Variants in WWTR1 observed in about 807,000 individuals in gnomAD.
WWTR1 encodes WW domain-containing transcription regulator protein 1.
Under a neutral mutation model 40.1 loss-of-function variants are expected in WWTR1, and 13 were observed. The ratio of observed to expected loss-of-function variants is 0.32; its 90% CI spans 0.21 to 0.52. The LOEUF is 0.52. Among genes scored for constraint, WWTR1 ranks in the 20% least tolerant of loss-of-function variants. The probability of loss-of-function intolerance (pLI) is 0.97; values close to 1 mark genes in which losing one functional copy is unlikely to be tolerated. For missense variants in WWTR1, 436 were observed against 523.1 expected (o/e 0.83, Z 1.63); for synonymous variants, 230 against 210.1 (o/e 1.09, Z -0.82).
In WWTR1 at chr3:149,520,083, A is replaced by G. The variant is rs1734970185; in HGVS notation, c.*722T>C. The G allele has an allele frequency of 6.6e-6, 1 of 152,218 alleles. No homozygotes were observed. The highest frequency in any genetic ancestry group is 2.1e-4 in the South Asian group (1 of 4,832). 9.4% of individuals were successfully genotyped at this position (152,218 alleles called of 1,614,324 possible). A position where few individuals can be genotyped will look rare whatever the true frequency, so the allele number is the denominator to read the frequency against. On this transcript the variant is annotated 3_prime_UTR_variant, in exon 7 of 7. Coordinates refer to ENST00000360632, the MANE Select transcript of WWTR1 (RefSeq NM_015472.6). ...TTAGTACCAAACTGGTCTCTTTCACAAGATCTGTAGTGTAAGACCTGTGAC... is the reference window on the plus strand; with the variant it reads ...TTAGTACCAAACTGGTCTCTTTCACGAGATCTGTAGTGTAAGACCTGTGAC...
intron 4 of WWTR1, among the ~76,000 whole-genome samples, chr3:149,537,650 T>C (rs4681182): frequency 0.96 from 146,702 of 152,300 alleles, 70,682 homozygotes; most frequent in East Asian, 1. Flanking sequence ...TTGACAAATG[T>C]AGAGCTGTGA....
At chr3:149,710,840 A>G (rs1715461726) in intron 5 of WWTR1, among the ~76,000 whole-genome samples, 1 of 151,674 alleles carries the variant, frequency 6.6e-6, no homozygotes, top group Non-Finnish European at 1.5e-5. Flanking sequence ...CAGCCTCCCA[A>G]CGTGCTGGGA....
chr3:149,662,871 G>A (rs558854452), upstream of WWTR1, among the ~76,000 whole-genome samples: 10 of 152,162 alleles, frequency 6.6e-5, no homozygotes, highest in African/African-American at 1.9e-4. Context: ...GGCCTAATTC[G>A]TTAATACACC....
intron 4 of WWTR1, among the ~76,000 whole-genome samples, chr3:149,536,491 C>G (rs1735842111): frequency 6.7e-6 from 1 of 149,226 alleles, no homozygotes; most frequent in Admixed American, 6.7e-5. Context: ...AAGGGGGGGG[C>G]CTCAGAACCT....
chr3:149,549,576 G>A (rs1279028723), intron 3 of WWTR1, among the ~76,000 whole-genome samples: 4 of 152,174 alleles, frequency 2.6e-5, no homozygotes, highest in South Asian at 4.1e-4. Flanking sequence ...CATGGCTCAC[G>A]CCTGTAATGC....
At chr3:149,571,404 A>G (rs977038889) in intron 3 of WWTR1, among the ~76,000 whole-genome samples, 6 of 152,106 alleles carry the variant, frequency 3.9e-5, no homozygotes, top group Non-Finnish European at 4.4e-5. Context: ...CTACAGTGGC[A>G]TCTGATTTCT....
chr3:149,695,971 G>A (rs539648971), intron 1 of WWTR1, among the ~76,000 whole-genome samples: 139 of 150,186 alleles, frequency 9.3e-4, no homozygotes, highest in African/African-American at 3.1e-3. Context: ...AAATTAGCCG[G>A]GTGTGGTGGT....
In WWTR1 at chr3:149,518,764, C is replaced by G. The variant is rs1350469336; in HGVS notation, c.*2041G>C. 6.6e-6 allele frequency: 1 copy of G among 151,950 alleles called. No individual in the cohort carries two copies. The highest frequency in any genetic ancestry group is 1.5e-5 in the Non-Finnish European group (1 of 68,036). The allele number at this position is 151,950 out of a possible 1,614,324, so 9.4% of individuals were successfully genotyped here. A position where few individuals can be genotyped will look rare whatever the true frequency, so the allele number is the denominator to read the frequency against. On this transcript the variant is annotated 3_prime_UTR_variant, in exon 7 of 7. Transcript: ENST00000360632. ...AGGTGCACCAAAGCCTTCTTTTCTT[C>G]TACAACAGAGTCTTCCGGTATAAAG...
chr3:149,557,345 T>G (rs372906018), intron 3 of WWTR1, among the ~76,000 whole-genome samples: 1 of 152,172 alleles, frequency 6.6e-6, no homozygotes. Flanking sequence ...GTGCTGGGAT[T>G]ACAGGCGTGA....
rs1247224197 is a variant in WWTR1, at chr3:149,542,409, G to T, written c.697C>A (p.Gln233Lys). 6.3e-7 allele frequency: 1 copy of T among 1,593,858 alleles called. No homozygotes were observed. The highest frequency in any genetic ancestry group is 1.1e-5 in the South Asian group (1 of 87,952). Residue 233 changes from glutamine (Q) to lysine (K), a missense_variant, in exon 4 of 7, where the codon CAG becomes AAG. Coordinates refer to ENST00000360632, the MANE Select transcript of WWTR1 (RefSeq NM_015472.6). ...NALTTQQQQQ[Q>K]KLRLQRIQME... ...TGGATTCTCTGAAGCCGCAGTTTCT[G>T]CTGCTGCTGCTGCTGAGTGGTCAGC...
In WWTR1 at chr3:149,523,127, G is replaced by A. The variant is rs576773614; in HGVS notation, c.1019-2138C>T. On this transcript the variant is annotated intron_variant, in intron 6 of 6. Coordinates refer to ENST00000360632, the MANE Select transcript of WWTR1 (RefSeq NM_015472.6). ...TCAGGATGGAAGGCATGAGGATACT[G>A]GCTAAGCTTCTTCATTAAAGTTAAC... Among the ~76,000 whole-genome samples the A allele has an allele frequency of 1.6e-4, 24 of 151,954 alleles. No homozygotes were observed. The South Asian group carries it at 4.8e-3, about 30-fold the overall frequency.
rs3044083 is a variant in WWTR1, at chr3:149,689,380, C to CAA, written c.-108+13742_-108+13743dup. Among the ~76,000 whole-genome samples, 90 of 36,670 alleles carry CAA rather than the reference C, an allele frequency of 2.5e-3. 2 individuals are homozygous for CAA. Among genetic ancestry groups the CAA allele is most frequent in the Middle Eastern group, 0.031 (1 of 32 alleles). The allele number at this position is 36,670 out of a possible 152,430, so 24.1% of individuals were successfully genotyped here. A position where few individuals can be genotyped will look rare whatever the true frequency, so the allele number is the denominator to read the frequency against. ...TGGGTGACAGAGTGAGAACCTATCTCAAAAAAAAAAAAAAAAAAAAAGCAA... is the reference window on the plus strand; with the variant it reads ...TGGGTGACAGAGTGAGAACCTATCTCAAAAAAAAAAAAAAAAAAAAAAAGCAA... On this transcript the variant is annotated intron_variant, in intron 1 of 7. Transcript: ENST00000465804.
chr3:149,576,091 T>C lies in WWTR1; in HGVS notation c.432-3091A>G, dbSNP rs1737865467. 23 of 456,732 alleles carry C rather than the reference T, an allele frequency of 5.0e-5. 1 individual carries two copies. The highest frequency in any genetic ancestry group is 3.6e-4 in the South Asian group (23 of 64,572). The allele number at this position is 456,732 out of a possible 1,614,324, so 28.3% of individuals were successfully genotyped here. ...GCCTTTCTTAAGTGAGCAGTTCTCA[T>C]TGCTCCAAAACAACTCTGAGAAGAA... On this transcript the variant is annotated intron_variant, in intron 2 of 6. Transcript: ENST00000360632.
chr3:149,595,936 G>A (rs1014250499), intron 2 of WWTR1, among the ~76,000 whole-genome samples: 1 of 152,078 alleles, frequency 6.6e-6, no homozygotes, highest in African/African-American at 2.4e-5. Context: ...GGGAGGCTGA[G>A]GCAGGAGAAT....
rs529775227 is a variant in WWTR1 at position 149,624,162 on chromosome 3, C to T, written c.431+32714G>A. On this transcript the variant is annotated intron_variant, in intron 2 of 6. Transcript: ENST00000360632. ...CCAGTACCCTTCTCTGCTGAGCTCA[C>T]AGGAGGTCAAATGAACAGATACTGG... is the stretch of plus-strand genomic sequence containing the variant. Among the ~76,000 whole-genome samples the T allele has an allele frequency of 7.1e-4, 108 of 152,276 alleles. 2 individuals carry two copies. The South Asian group carries it at 0.021, about 30-fold the overall frequency.
At chr3:149,686,902 G>T (rs1381795886) in intron 1 of WWTR1, among the ~76,000 whole-genome samples, 1 of 152,056 alleles carries the variant, frequency 6.6e-6, no homozygotes. Context: ...TTATGGCTTT[G>T]CAAATGCTGT....
At chr3:149,531,420 G>A (rs1735577661) in intron 4 of WWTR1, among the ~76,000 whole-genome samples, 1 of 152,058 alleles carries the variant, frequency 6.6e-6, no homozygotes, top group Non-Finnish European at 1.5e-5. Context: ...CCACCTGGAT[G>A]GTAAATAGAG....
At chr3:149,653,262 A>G (rs1015422712) in intron 2 of WWTR1, among the ~76,000 whole-genome samples, 7 of 152,222 alleles carry the variant, frequency 4.6e-5, no homozygotes, top group African/African-American at 1.7e-4. Context: ...TATTCTATTT[A>G]TAATCAGAGA....
At chr3:149,634,491 G>A (rs929432248) in intron 2 of WWTR1, among the ~76,000 whole-genome samples, 7 of 152,078 alleles carry the variant, frequency 4.6e-5, no homozygotes, top group African/African-American at 1.4e-4. Context: ...ATTTTTTCCC[G>A]TTTATTTATC....
Sources: allele counts gnomAD v4.1 joint callset (sites outside exome capture counted in the v4.1 genomes callset), GRCh38; gene constraint gnomAD v4.1.1; transcripts MANE v1.5; gene names NCBI Gene and HGNC (gene_info 2026-07-23, HGNC 2026-07-21).